SOX5: variants seen among roughly 807,000 people sequenced by gnomAD.
SOX5 encodes the protein transcription factor SOX-5.
Under a neutral mutation model 92.0 loss-of-function variants are expected in SOX5, and 9 were observed. That is an observed-to-expected ratio of 0.10 (90% CI 0.06 to 0.17). The LOEUF (loss-of-function observed/expected upper bound fraction) is 0.17, where lower values mean the gene tolerates loss of function less well. Ranked by LOEUF, SOX5 falls within the 10% of genes least tolerant of loss-of-function variation. The pLI is 1.00. For missense variants in SOX5, 642 were observed against 944.5 expected (o/e 0.68, Z 4.20); for synonymous variants, 344 against 336.3 (o/e 1.02, Z -0.25).
At chr12:24,027,423 C>T (rs1205967303) in intron 4 of SOX5, among the ~76,000 whole-genome samples, 1 of 151,964 alleles carries the variant, frequency 6.6e-6, no homozygotes, top group Non-Finnish European at 1.5e-5. Context: ...GTGACATTGC[C>T]ATTCACTGAA....
At position 24,514,640 on chromosome 12, in the gene SOX5, C is replaced by G. The variant is rs138235682; in HGVS notation, c.-251+47689G>C. ...GCAGCACTATTCACAATAACAAAGA[C>G]ATGGAATCAACCTAAATGCCCACCA... On this transcript the variant is annotated intron_variant, in intron 1 of 4. Coordinates refer to the SOX5 transcript ENST00000446891. Among the ~76,000 whole-genome samples, 171 of 152,284 alleles carry G rather than the reference C, an allele frequency of 1.1e-3. 1 individual carries two copies. Among genetic ancestry groups the G allele is most frequent in the African/African-American group, 3.9e-3 (161 of 41,564 alleles).
chr12:24,240,322 G>A (rs1044725311), intron 3 of SOX5, among the ~76,000 whole-genome samples: 1 of 152,102 alleles, frequency 6.6e-6, no homozygotes, highest in African/African-American at 2.4e-5. Flanking sequence ...ACTTGCCTCT[G>A]TTTCCTGTTC....
chr12:24,376,003 A>G (rs1343788502), intron 1 of SOX5, among the ~76,000 whole-genome samples: 19 of 152,188 alleles, frequency 1.2e-4, no homozygotes, highest in Admixed American at 1.2e-3. Flanking sequence ...GGAACCAAGC[A>G]CTTCAATTTC....
chr12:24,420,061 G>A (rs911133316), intron 1 of SOX5, among the ~76,000 whole-genome samples: 3 of 152,222 alleles, frequency 2.0e-5, no homozygotes, highest in African/African-American at 7.2e-5. Context: ...TGCTTGAGGT[G>A]TGGTTCTCTA....
chr12:24,301,499 C>T (rs1389156724), intron 2 of SOX5, among the ~76,000 whole-genome samples: 3 of 152,110 alleles, frequency 2.0e-5, no homozygotes, highest in East Asian at 1.9e-4. Context: ...TCCACCTCTC[C>T]ACATTCAAAT....
rs55913110 is a variant in SOX5, at chr12:24,114,573, C to CAAAAA, written c.-2+98765_-2+98769dup. 7.3e-3 allele frequency among the ~76,000 whole-genome samples: 298 copies of CAAAAA among 40,598 alleles called. 25 individuals are homozygous for CAAAAA. Among genetic ancestry groups the CAAAAA allele is most frequent in the Middle Eastern group, 0.022 (1 of 46 alleles). 26.6% of individuals were successfully genotyped at this position (40,598 alleles called of 152,430 possible). A position where few individuals can be genotyped will look rare whatever the true frequency, so the allele number is the denominator to read the frequency against. ...CCTGGTGACAGGGCACACCCCGTCACAAAAAAAAAAAAAAAAAAAAAAAAA... is the reference window on the plus strand; with the variant it reads ...CCTGGTGACAGGGCACACCCCGTCACAAAAAAAAAAAAAAAAAAAAAAAAAAAAAA... On this transcript the variant is annotated intron_variant, in intron 4 of 4. Transcript: ENST00000446891.
chr12:23,976,237 G>A (rs1173279442), intron 4 of SOX5, among the ~76,000 whole-genome samples: 1 of 151,682 alleles, frequency 6.6e-6, no homozygotes, highest in African/African-American at 2.4e-5. Context: ...AACTTATTTT[G>A]CCAAAATTGC....
At chr12:24,007,177 T>A (rs1206462631) in intron 4 of SOX5, among the ~76,000 whole-genome samples, 14 of 58,700 alleles carry the variant, frequency 2.4e-4, no homozygotes, top group Non-Finnish European at 3.7e-4. Flanking sequence ...ATATATGTAT[T>A]TATATATATA....
chr12:24,058,748 T>C (rs908806605), intron 4 of SOX5, among the ~76,000 whole-genome samples: 11 of 152,116 alleles, frequency 7.2e-5, no homozygotes, highest in Non-Finnish European at 1.3e-4. Context: ...AAAGAGTAAA[T>C]GATCCTGAAC....
intron 1 of SOX5, among the ~76,000 whole-genome samples, chr12:23,907,460 T>C (rs890271262): frequency 2.6e-5 from 4 of 152,120 alleles, no homozygotes; most frequent in African/African-American, 9.7e-5. Context: ...TAAAGGAAAA[T>C]AGAAGTAGAA....
At chr12:23,780,687 A>G (rs973667484) in intron 3 of SOX5, among the ~76,000 whole-genome samples, 2 of 152,140 alleles carry the variant, frequency 1.3e-5, no homozygotes, top group Non-Finnish European at 2.9e-5. Context: ...TAGGTAGACT[A>G]TTTGATGAAT....
At chr12:23,889,103 G>C (rs1399820138) in intron 2 of SOX5, among the ~76,000 whole-genome samples, 1 of 151,990 alleles carries the variant, frequency 6.6e-6, no homozygotes, top group East Asian at 1.9e-4. Flanking sequence ...ATTCCACATC[G>C]TTCAAAAGTA....
Position 23,770,687 on chromosome 12 carries a change from A to C in SOX5, c.482-14963T>G, listed in dbSNP as rs554728417. 1.4e-4 allele frequency among the ~76,000 whole-genome samples: 22 copies of C among 152,330 alleles called. 1 individual carries two copies. Among genetic ancestry groups the C allele is most frequent in the Admixed American group, 1.4e-3 (21 of 15,290 alleles). On this transcript the variant is annotated intron_variant, in intron 3 of 14. Transcript: ENST00000451604. ...GATTGCAGCTGGGAACTGTCATCCCATCAGTAAGCAGCACCTAACTGACAA... is the reference window on the plus strand; with the variant it reads ...GATTGCAGCTGGGAACTGTCATCCCCTCAGTAAGCAGCACCTAACTGACAA...
chr12:23,824,526 C>T (rs533733641), intron 3 of SOX5, among the ~76,000 whole-genome samples: 1 of 152,316 alleles, frequency 6.6e-6, no homozygotes, highest in Non-Finnish European at 1.5e-5. Context: ...AGCCGGATCT[C>T]TCCTGTATGA....
intron 3 of SOX5, among the ~76,000 whole-genome samples, chr12:23,818,497 G>A (rs1266968669): frequency 6.6e-6 from 1 of 152,184 alleles, no homozygotes; most frequent in African/African-American, 2.4e-5. Flanking sequence ...GAGTCAGTGA[G>A]TGGCAGGTGA....
intron 3 of SOX5, among the ~76,000 whole-genome samples, chr12:23,767,366 T>A (rs2094772604): frequency 6.6e-6 from 1 of 152,104 alleles, no homozygotes; most frequent in Admixed American, 6.5e-5. Flanking sequence ...GAACATCATC[T>A]CTGAATTGTT....
At chr12:23,636,064 G>T (rs924337046) in intron 8 of SOX5, among the ~76,000 whole-genome samples, 2 of 152,164 alleles carry the variant, frequency 1.3e-5, no homozygotes, top group Non-Finnish European at 2.9e-5. Context: ...TACAGTGTCT[G>T]TGAATTTCTG....
intron 5 of SOX5, among the ~76,000 whole-genome samples, chr12:23,736,912 T>G (rs1026755775): frequency 6.6e-6 from 1 of 152,046 alleles, no homozygotes; most frequent in East Asian, 1.9e-4. Context: ...AGGCTGGTCT[T>G]GAACTCCTGA....
rs538518527 is a variant in SOX5 at position 24,552,357 on chromosome 12, G to A, written c.-251+9972C>T. Among the ~76,000 whole-genome samples the A allele has an allele frequency of 1.8e-4, 27 of 152,110 alleles. No individual in the cohort carries two copies. In the South Asian group the frequency reaches 5.2e-3, roughly 29 times the overall value. ...CTAGATCAATGAATTTTTTATCACT[G>A]GTTCTCAAACTTTTATGTGCAAAAG... On this transcript the variant is annotated intron_variant, in intron 1 of 4. Coordinates refer to the SOX5 transcript ENST00000446891.
Sources: gnomAD v4.1 joint callset for allele counts (sites outside exome capture counted in the v4.1 genomes callset) on GRCh38, gnomAD v4.1.1 for gene constraint, MANE v1.5 for transcripts, NCBI Gene and HGNC (gene_info 2026-07-23, HGNC 2026-07-21) for gene names.